KCNT2: variants seen among roughly 807,000 people sequenced by gnomAD.
KCNT2 encodes potassium sodium-activated channel subfamily T member 2.
In KCNT2, 67 loss-of-function variants were observed where a neutral mutation model predicts 153.8. The ratio of observed to expected loss-of-function variants is 0.44; its 90% CI spans 0.36 to 0.53. KCNT2 has a LOEUF of 0.53. Among genes scored for constraint, KCNT2 ranks in the 20% least tolerant of loss-of-function variants. KCNT2 has a pLI of 0.00. For synonymous variants in KCNT2, 500 were observed against 458.8 expected (o/e 1.09, Z -1.15); for missense variants, 975 against 1,354.8 (o/e 0.72, Z 4.40).
intron 25 of KCNT2, among the ~76,000 whole-genome samples, chr1:196,271,948 T>TA (rs1014308693): frequency 3.9e-5 from 6 of 152,034 alleles, no homozygotes; most frequent in Non-Finnish European, 7.4e-5. Context: ...AGATCTACGT[T>TA]ACTCTATGAG....
intron 1 of KCNT2, among the ~76,000 whole-genome samples, chr1:196,560,383 C>G (rs1346482099): frequency 2.6e-5 from 4 of 151,866 alleles, no homozygotes; most frequent in African/African-American, 9.7e-5. Context: ...GATTAATTTT[C>G]CATGTTGAAA....
intron 6 of KCNT2, among the ~76,000 whole-genome samples, 155 bp downstream of exon 6, chr1:196,468,839 C>T (rs1677834726): frequency 6.6e-6 from 1 of 152,044 alleles, no homozygotes; most frequent in African/African-American, 2.4e-5. Flanking sequence ...ACAACACGAT[C>T]CAACCAATTT....
At position 196,280,912 on chromosome 1, in the gene KCNT2, T is replaced by A; in HGVS notation, c.2858A>T (p.Asp953Val). The change falls in exon 25 of 28, where the codon GAT becomes GTT. Residue 953 changes from aspartate (D) to valine (V), a missense_variant. Coordinates refer to ENST00000294725, the MANE Select transcript of KCNT2 (RefSeq NM_198503.5). ...LYQKLCSSTG[D>V]VPIGIYRTES... is the part of the protein sequence containing the mutation. ...AGTCCTGTAGATTCCAATGGGAACA[T>A]CTCCAGTAGAAGAACACAACTTCTG... 1.2e-6 allele frequency: 2 copies of A among 1,610,822 alleles called. No homozygotes were observed. Among genetic ancestry groups the A allele is most frequent in the East Asian group, 2.2e-5 (1 of 44,818 alleles).
chr1:196,416,740 C>A (rs1672785962), intron 12 of KCNT2, among the ~76,000 whole-genome samples: 1 of 151,834 alleles, frequency 6.6e-6, no homozygotes, highest in African/African-American at 2.4e-5. Flanking sequence ...ATATAAGTAT[C>A]CATCCCCTCA....
rs935108874 is a variant in KCNT2 at position 196,411,292 on chromosome 1, C to T, written c.1185+11758G>A. On this transcript the variant is annotated intron_variant, in intron 12 of 27. Transcript: ENST00000294725. ...CTATATGCGTGTATTTATGCTGGTACCATGTGGTTTTAATAACTATAGCTT... is the reference window on the plus strand; with the variant it reads ...CTATATGCGTGTATTTATGCTGGTATCATGTGGTTTTAATAACTATAGCTT... Among the ~76,000 whole-genome samples the T allele has an allele frequency of 6.0e-5, 9 of 151,016 alleles. No homozygotes were observed. In the South Asian group the frequency reaches 1.9e-3, roughly 31 times the overall value.
At chr1:196,483,619 C>G (rs1679185398) in intron 3 of KCNT2, among the ~76,000 whole-genome samples, 1 of 152,142 alleles carries the variant, frequency 6.6e-6, no homozygotes, top group South Asian at 2.1e-4. Flanking sequence ...TCCTAGAAGT[C>G]TCAGCTCAAC....
chr1:196,366,781 C>T (rs936934180), intron 14 of KCNT2, among the ~76,000 whole-genome samples: 1 of 151,918 alleles, frequency 6.6e-6, no homozygotes, highest in Non-Finnish European at 1.5e-5. Context: ...ATAAAAACTC[C>T]CCAAGAGCAG....
chr1:196,379,662 T>G (rs1373826554), intron 13 of KCNT2, among the ~76,000 whole-genome samples: 1 of 152,146 alleles, frequency 6.6e-6, no homozygotes, highest in Non-Finnish European at 1.5e-5. Flanking sequence ...GCATCTTATC[T>G]TGTATTTTCT....
At chr1:196,256,452 A>T (rs1373400180) in intron 26 of KCNT2, among the ~76,000 whole-genome samples, 1 of 152,034 alleles carries the variant, frequency 6.6e-6, no homozygotes, top group Non-Finnish European at 1.5e-5. Context: ...AAAAAACTTA[A>T]TCAACAACAG....
intron 1 of KCNT2, among the ~76,000 whole-genome samples, chr1:196,561,587 C>T (rs1659388526): frequency 7.2e-6 from 1 of 139,472 alleles, no homozygotes. Context: ...AAAGAATGCT[C>T]ACGTTGCAGT....
intron 16 of KCNT2, among the ~76,000 whole-genome samples, chr1:196,336,019 T>C (rs1395487798): frequency 1.3e-5 from 2 of 152,082 alleles, no homozygotes; most frequent in South Asian, 2.1e-4. Context: ...TTCCACCCTC[T>C]TGACAAAATA....
At chr1:196,506,964 G>C (rs1681195421) in intron 1 of KCNT2, among the ~76,000 whole-genome samples, 1 of 151,658 alleles carries the variant, frequency 6.6e-6, no homozygotes, top group Non-Finnish European at 1.5e-5. Context: ...CCCTACTAAT[G>C]GATCCTTAAG....
chr1:196,233,436 TA>T (rs937324144), intron 27 of KCNT2, among the ~76,000 whole-genome samples: 2 of 151,464 alleles, frequency 1.3e-5, no homozygotes, highest in Non-Finnish European at 3.0e-5. Flanking sequence ...GTTTCTGCCC[TA>T]AAACAAAACA....
intron 13 of KCNT2, among the ~76,000 whole-genome samples, chr1:196,395,720 T>C (rs1033621694): frequency 6.6e-6 from 1 of 151,620 alleles, no homozygotes; most frequent in Non-Finnish European, 1.5e-5. Context: ...TTCAATCATG[T>C]TATTTTGACA....
At chr1:196,385,780 T>A (rs2039820) in intron 13 of KCNT2, among the ~76,000 whole-genome samples, 2,223 of 135,746 alleles carry the variant, frequency 0.016, 18 homozygotes, top group Non-Finnish European at 0.026. Context: ...AAAATATATA[T>A]ATATATATAT....
Position 196,282,306 on chromosome 1 carries a change from C to T in KCNT2, c.2748G>A (p.Leu916=), listed in dbSNP as rs200600128. 3 of 1,602,144 alleles carry T rather than the reference C, an allele frequency of 1.9e-6. No individual in the cohort carries two copies. The highest frequency in any genetic ancestry group is 1.7e-4 in the Middle Eastern group (1 of 6,056). The change falls in exon 24 of 28, where the codon CTG becomes CTA. Residue 916 remains leucine, a synonymous_variant. Coordinates refer to ENST00000294725, the MANE Select transcript of KCNT2 (RefSeq NM_198503.5). ...MISITRLLLG[L]DTTPGSGFLC... ...GAAACCCAGATCCTGGTGTAGTGTCCAGTCCCAACAGAAGTCTCGTGATAG... is the reference window on the plus strand; with the variant it reads ...GAAACCCAGATCCTGGTGTAGTGTCTAGTCCCAACAGAAGTCTCGTGATAG...
At chr1:196,262,168 C>T (rs1453664922) in intron 25 of KCNT2, among the ~76,000 whole-genome samples, 1 of 151,830 alleles carries the variant, frequency 6.6e-6, no homozygotes, top group Non-Finnish European at 1.5e-5. Context: ...GTCAGATACA[C>T]TAAATACATC....
chr1:196,260,558 A>G (rs574689459), intron 25 of KCNT2, among the ~76,000 whole-genome samples: 1 of 151,970 alleles, frequency 6.6e-6, no homozygotes, highest in East Asian at 1.9e-4. Context: ...TAATTCCATA[A>G]AATAAGTAAC....
chr1:196,289,835 A>AT lies in KCNT2; in HGVS notation c.2596-4078dup, dbSNP rs533648077. Among the ~76,000 whole-genome samples, 158 of 152,176 alleles carry AT rather than the reference A, an allele frequency of 1.0e-3. 1 individual carries two copies. Among genetic ancestry groups the AT allele is most frequent in the Non-Finnish European group, 1.8e-3 (122 of 67,958 alleles). On this transcript the variant is annotated intron_variant, in intron 22 of 27. Coordinates refer to ENST00000294725, the MANE Select transcript of KCNT2 (RefSeq NM_198503.5). Reference sequence around the variant, plus strand: ...ATTCAATTGAAGTTTTACTGATGATATTTTTTTCCTAACAAATACTTATAT... The same window carrying AT: ...ATTCAATTGAAGTTTTACTGATGATATTTTTTTTCCTAACAAATACTTATAT...
Sources: gnomAD v4.1 joint callset for allele counts (sites outside exome capture counted in the v4.1 genomes callset) on GRCh38, gnomAD v4.1.1 for gene constraint, MANE v1.5 for transcripts, NCBI Gene and HGNC (gene_info 2026-07-23, HGNC 2026-07-21) for gene names.